Variants in ADGRV1 observed in about 807,000 individuals in gnomAD.
The protein encoded by ADGRV1 is adhesion G protein-coupled receptor V1, also known as G-protein coupled receptor 98.
A neutral mutation model predicts 596.2 loss-of-function variants in ADGRV1; 359 were observed. The ratio of observed to expected loss-of-function variants is 0.60; its 90% confidence interval spans 0.55 to 0.66. The LOEUF is 0.66. ADGRV1 is among the 30% of genes least tolerant of loss of function. The probability of loss-of-function intolerance (pLI) is 0.00; values close to 1 mark genes in which losing one functional copy is unlikely to be tolerated. For synonymous variants in ADGRV1, 2,681 were observed against 2,679.2 expected, an observed-to-expected ratio of 1.00 and a Z score of -0.02; for missense variants, 7,274 against 7,575.6, an observed-to-expected ratio of 0.96 and a Z score of 1.48.
chr5:90,716,415 T>G, intron 42 of ADGRV1, 52 bp from the exon 43 acceptor site: 4 of 1,366,156 alleles, frequency 2.9e-6, no homozygotes, highest in Non-Finnish European at 3.9e-6. Flanking sequence ...TTTTTCAGCA[T>G]TTATAACCTC....
intron 78 of ADGRV1, among the ~76,000 whole-genome samples, chr5:90,841,203 G>A (rs1765396749): frequency 6.6e-6 from 1 of 152,040 alleles, no homozygotes; most frequent in Admixed American, 6.6e-5. Context: ...TAGGCTTGGA[G>A]AATGACCTAG....
In ADGRV1 at chr5:90,714,691, G is replaced by A. The variant is rs577589771; in HGVS notation, c.9185-1776G>A. ...ATGCAGAAAATAATACCCTCATATC[G>A]TACAGAGAATGAAACATCCATTAGC... On this transcript the variant is annotated intron_variant, in intron 42 of 89. Coordinates refer to ENST00000405460, the MANE Select transcript of ADGRV1 (RefSeq NM_032119.4). 1.7e-4 allele frequency among the ~76,000 whole-genome samples: 26 copies of A among 152,040 alleles called. No individual in the cohort carries two copies. In the South Asian group the frequency reaches 4.6e-3, roughly 27 times the overall value.
Position 90,685,983 on chromosome 5 carries a change from A to T in ADGRV1, c.6478A>T (p.Thr2160Ser). Reference protein sequence around the residue: ...VSVKFKAVPITAIAGEDYSIA... With the variant: ...VSVKFKAVPISAIAGEDYSIA... ...TGTGAAGTTTAAAGCTGTGCCAATA[A>T]CTGCAATAGCTGGTAAGAAAAGACA... Residue 2160 changes from threonine (T) to serine (S), a missense_variant, in exon 29 of 90, where the codon ACT becomes TCT. Thr to Ser is a moderately conservative substitution (Grantham distance 58). This residue lies in a region of ADGRV1 where 3,643 missense variants were observed against 3,809.2 expected (regional missense o/e 0.96). Coordinates refer to ENST00000405460, the MANE Select transcript of ADGRV1 (RefSeq NM_032119.4). The T allele has an allele frequency of 1.3e-6, 2 of 1,582,276 alleles. No homozygotes were observed.
intron 4 of ADGRV1, among the ~76,000 whole-genome samples, chr5:90,621,714 A>G (rs527490583): frequency 2.0e-5 from 3 of 152,174 alleles, no homozygotes; most frequent in African/African-American, 7.2e-5. Context: ...GCTGCCAGGC[A>G]GCCTCTGACA....
chr5:91,079,949 G>T (rs1789196565), intron 86 of ADGRV1, among the ~76,000 whole-genome samples: 1 of 152,098 alleles, frequency 6.6e-6, no homozygotes, highest in Non-Finnish European at 1.5e-5. Context: ...CACCTTGGTG[G>T]TCCACATCAT....
At chr5:90,847,706 TG>T (rs1218360014) in intron 78 of ADGRV1, among the ~76,000 whole-genome samples, 2 of 152,186 alleles carry the variant, frequency 1.3e-5, no homozygotes, top group Non-Finnish European at 2.9e-5. Flanking sequence ...GCACGGCAGC[TG>T]CTGGCCAAGG....
chr5:90,972,486 A>C (rs1233375435), intron 84 of ADGRV1, among the ~76,000 whole-genome samples: 1 of 152,194 alleles, frequency 6.6e-6, no homozygotes, highest in South Asian at 2.1e-4. Context: ...AAAGAACAGA[A>C]ATTATAATAA....
chr5:90,716,450 TATTTTTA>T lies in ADGRV1; in HGVS notation c.9185-16_9185-10del. On this transcript the variant is annotated splice_polypyrimidine_tract_variant and intron_variant, in intron 42 of 89. Coordinates refer to ENST00000405460, the MANE Select transcript of ADGRV1 (RefSeq NM_032119.4). ...CTTCTATTTTCATTTGTTGCTTTAA[TATTTTTA>T]TTTTGGCAGCCTTAATTATTGTCCT... The T allele has an allele frequency of 6.6e-7, 1 of 1,523,114 alleles. No individual in the cohort carries two copies. Among genetic ancestry groups the T allele is most frequent in the Non-Finnish European group, 8.8e-7 (1 of 1,132,876 alleles). The allele number at this position is 1,523,114 out of a possible 1,614,324, so 94.3% of individuals were successfully genotyped here.
intron 85 of ADGRV1, among the ~76,000 whole-genome samples, chr5:91,017,973 A>G (rs1297030726): frequency 6.6e-6 from 1 of 151,988 alleles, no homozygotes; most frequent in East Asian, 1.9e-4. Context: ...AGTATAAAGT[A>G]TATATGATAT....
In ADGRV1 at chr5:90,724,854, C is replaced by T. The variant is rs16869039; in HGVS notation, c.9771C>T (p.Ser3257=). 4.4e-3 allele frequency: 7,059 copies of T among 1,612,928 alleles called. 258 individuals carry two copies. The African/African-American group carries it at 0.085, about 19-fold the overall frequency. Residue 3257 remains serine (S), a synonymous_variant, in exon 46 of 90, where the codon TCC becomes TCT. Coordinates refer to ENST00000405460, the MANE Select transcript of ADGRV1 (RefSeq NM_032119.4). ...FGMRGMDVVF[S]VFQSFLDESA... Reference sequence around the variant, plus strand: ...CAGGGGGAATGGATGTTGTGTTTTCCGTATTTCAAAGTTTTTTGGATGAAT... The same window carrying T: ...CAGGGGGAATGGATGTTGTGTTTTCTGTATTTCAAAGTTTTTTGGATGAAT...
At chr5:91,146,541 A>T (rs145052036) in intron 87 of ADGRV1, among the ~76,000 whole-genome samples, 1 of 152,350 alleles carries the variant, frequency 6.6e-6, no homozygotes, top group African/African-American at 2.4e-5. Context: ...TAAGCAATCT[A>T]CTGAATTCTG....
Position 91,158,021 on chromosome 5 carries a change from C to T in ADGRV1, c.18802+4623C>T, listed in dbSNP as rs551072700. Reference sequence around the variant, plus strand: ...CTGACGTTAGCCAAATCGTTAACCACCTCTTCTCACCTATAATAACTGGGC... The same window carrying T: ...CTGACGTTAGCCAAATCGTTAACCATCTCTTCTCACCTATAATAACTGGGC... On this transcript the variant is annotated intron_variant, in intron 89 of 89. Transcript: ENST00000405460. 3.3e-4 allele frequency among the ~76,000 whole-genome samples: 51 copies of T among 152,314 alleles called. 1 individual carries two copies. The South Asian group carries it at 0.011, about 32-fold the overall frequency.
At chr5:90,936,584 C>T (rs1233665683) in intron 83 of ADGRV1, among the ~76,000 whole-genome samples, 4 of 151,714 alleles carry the variant, frequency 2.6e-5, no homozygotes, top group Non-Finnish European at 4.4e-5. Context: ...TTATTTTCTT[C>T]TACCTAATAT....
chr5:91,058,177 G>T (rs1445941302), intron 85 of ADGRV1, among the ~76,000 whole-genome samples: 1 of 152,198 alleles, frequency 6.6e-6, no homozygotes, highest in Non-Finnish European at 1.5e-5. Flanking sequence ...GTGCTGGGCA[G>T]GCCTCAGAAG....
chr5:90,607,451 A>G (rs1762238573), intron 1 of ADGRV1, among the ~76,000 whole-genome samples: 1 of 152,096 alleles, frequency 6.6e-6, no homozygotes, highest in Non-Finnish European at 1.5e-5. Flanking sequence ...GATCTCTTGA[A>G]TGATGATGTG....
chr5:90,712,473 G>T (rs1200162903), intron 42 of ADGRV1, 45 bp downstream of exon 42: 54 of 1,423,342 alleles, frequency 3.8e-5, no homozygotes, highest in Non-Finnish European at 5.2e-5. Flanking sequence ...CTTCATGCTG[G>T]GTTCCTTAAT....
At chr5:91,102,412 T>A in intron 87 of ADGRV1, 72 bp downstream of exon 87, 1 of 1,369,416 alleles carries the variant, frequency 7.3e-7, no homozygotes. Context: ...ATTTCAATAT[T>A]AAAGAGTCAA....
chr5:91,037,978 A>C (rs1359755422), intron 85 of ADGRV1, among the ~76,000 whole-genome samples: 3 of 152,222 alleles, frequency 2.0e-5, no homozygotes, highest in African/African-American at 7.2e-5. Flanking sequence ...TATGTGTATA[A>C]GGTATACATG....
intron 82 of ADGRV1, among the ~76,000 whole-genome samples, chr5:90,862,579 A>G (rs1767712893): frequency 6.6e-6 from 1 of 151,960 alleles, no homozygotes; most frequent in South Asian, 2.1e-4. Flanking sequence ...CTGAAGATAC[A>G]CTCTGTACTT....
Sources: gnomAD v4.1 joint callset for allele counts (sites outside exome capture counted in the v4.1 genomes callset) on GRCh38, gnomAD v4.1.1 for gene constraint, gnomAD v4.1.1 regional missense constraint, MANE v1.5 for transcripts, NCBI Gene and HGNC (gene_info 2026-07-23, HGNC 2026-07-21) for gene names.